ITGB5: variants seen among roughly 807,000 people sequenced by gnomAD.
ITGB5 encodes the protein integrin subunit beta 5, also known as integrin beta-5.
In ITGB5, 38 loss-of-function variants were observed where a neutral mutation model predicts 84.8. The ratio of observed to expected loss-of-function variants is 0.45; its 90% CI spans 0.35 to 0.59. The LOEUF (loss-of-function observed/expected upper bound fraction) is 0.59. ITGB5 is among the 20% of genes least tolerant of loss of function. The pLI is 0.01. For missense variants in ITGB5, 905 were observed against 1,034.5 expected (o/e 0.87, Z 1.72); for synonymous variants, 393 against 414.4 (o/e 0.95, Z 0.63).
Position 124,769,001 on chromosome 3 carries a change from C to T in ITGB5, c.2017+12G>A. ...AAAACCGTGACTGCCCGGGTGGTGG[C>T]AGCACACTCACCGATGGTGTCCACC... is the stretch of plus-strand genomic sequence containing the variant. On this transcript the variant is annotated intron_variant, in intron 12 of 14. Transcript: ENST00000296181. The T allele has an allele frequency of 5.0e-6, 8 of 1,600,254 alleles. No individual in the cohort carries two copies. Among genetic ancestry groups the T allele is most frequent in the South Asian group, 2.2e-5 (2 of 90,442 alleles).
chr3:124,859,673 T>C (rs1330757657), intron 2 of ITGB5, among the ~76,000 whole-genome samples: 1 of 152,210 alleles, frequency 6.6e-6, no homozygotes, highest in African/African-American at 2.4e-5. Context: ...TGTAAACACA[T>C]AATAAAAATG....
intron 9 of ITGB5, among the ~76,000 whole-genome samples, chr3:124,797,355 A>T (rs1443190182): frequency 6.6e-6 from 1 of 151,666 alleles, no homozygotes; most frequent in African/African-American, 2.4e-5. Context: ...GGCTCAGCTG[A>T]CTCCAGAGCT....
At chr3:124,826,496 T>C (rs1250210194) in intron 5 of ITGB5, among the ~76,000 whole-genome samples, 2 of 152,236 alleles carry the variant, frequency 1.3e-5, no homozygotes, top group East Asian at 3.8e-4. Flanking sequence ...ACTTCCATTA[T>C]TCCACTTAAT....
rs61760573 is a variant in ITGB5 at position 124,821,839 on chromosome 3, T to C, written c.781-365A>G. Among the ~76,000 whole-genome samples, 1,395 of 152,206 alleles carry C rather than the reference T, an allele frequency of 9.2e-3. 27 individuals carry two copies. Among genetic ancestry groups the C allele is most frequent in the African/African-American group, 0.031 (1,298 of 41,508 alleles). ...CCTTTTGGCCTCAGCTATTCTTCCT[T>C]CCCCAGAACAACTTTTAACCTTTCC... is the stretch of plus-strand genomic sequence containing the variant. On this transcript the variant is annotated intron_variant, in intron 5 of 14. Coordinates refer to ENST00000296181, the MANE Select transcript of ITGB5 (RefSeq NM_002213.5).
rs749884842 is a variant in ITGB5 at position 124,805,082 on chromosome 3, GTTTC to G, written c.1263+3936_1263+3939del. 1.0e-2 allele frequency among the ~76,000 whole-genome samples: 1,162 copies of G among 116,418 alleles called. 21 individuals carry two copies. Among genetic ancestry groups the G allele is most frequent in the African/African-American group, 0.035 (1,072 of 30,704 alleles). 76.4% of individuals were successfully genotyped at this position (116,418 alleles called of 152,430 possible). ...CTGCCCTGCCCTGCCCTTCCTTTCC[GTTTC>G]TTTCTTTCTCTCTCTCTCTCTCCTT... On this transcript the variant is annotated intron_variant, in intron 9 of 14. Transcript: ENST00000296181.
At chr3:124,833,036 C>T (rs1244310027) in intron 5 of ITGB5, 10 of 152,190 alleles carry the variant, frequency 6.6e-5, no homozygotes, top group African/African-American at 2.2e-4. Flanking sequence ...ACAATATACA[C>T]ATTCTTTTTA....
intron 1 of ITGB5, chr3:124,878,515 C>T (rs892839379): frequency 2.0e-5 from 3 of 152,190 alleles, no homozygotes; most frequent in Non-Finnish European, 4.4e-5. Flanking sequence ...GGGACACATT[C>T]AAATTCAAGA....
intron 5 of ITGB5, among the ~76,000 whole-genome samples, chr3:124,827,228 C>G (rs2064796433): frequency 6.6e-6 from 1 of 152,202 alleles, no homozygotes; most frequent in South Asian, 2.1e-4. Flanking sequence ...CTGTGGGCCC[C>G]TCAGTCAGTC....
At chr3:124,802,538 C>T (rs1309868893) in intron 9 of ITGB5, among the ~76,000 whole-genome samples, 4 of 152,240 alleles carry the variant, frequency 2.6e-5, no homozygotes, top group Non-Finnish European at 5.9e-5. Context: ...CGTGCCAGGG[C>T]CGGCTCCCTG....
At chr3:124,766,383 T>C in intron 12 of ITGB5, 38 bp from the exon 13 acceptor site, 1 of 1,610,620 alleles carries the variant, frequency 6.2e-7, no homozygotes, top group African/African-American at 1.3e-5. Context: ...TGAGTCTCTC[T>C]GAGCAGCCCA....
intron 1 of ITGB5, among the ~76,000 whole-genome samples, chr3:124,884,756 A>G (rs1934727063): frequency 1.3e-5 from 2 of 152,112 alleles, no homozygotes; most frequent in South Asian, 4.1e-4. Context: ...CAAATGAACC[A>G]CCATGCTCAG....
intron 1 of ITGB5, among the ~76,000 whole-genome samples, chr3:124,874,876 A>C (rs961651172): frequency 6.6e-6 from 1 of 152,246 alleles, no homozygotes; most frequent in African/African-American, 2.4e-5. Context: ...TAAAACCTTA[A>C]ATATAACACC....
rs761352996 is a variant in ITGB5, at chr3:124,764,544, G to C, written c.2151C>G (p.Thr717=). ...TVLREPECGN[T]PNAMTILLAV... ...CCAGGAGGATGGTCATGGCGTTGGG[G>C]GTGTTTCCACACTCTGGGGGGACCA... The change falls in exon 14 of 15, where the codon ACC becomes ACG. Residue 717 remains threonine, a synonymous_variant. Transcript: ENST00000296181. The C allele has an allele frequency of 6.2e-7, 1 of 1,612,000 alleles. No homozygotes were observed. Among genetic ancestry groups the C allele is most frequent in the South Asian group, 1.1e-5 (1 of 91,000 alleles).
At chr3:124,768,299 G>A (rs940854253) in intron 12 of ITGB5, among the ~76,000 whole-genome samples, 1 of 152,198 alleles carries the variant, frequency 6.6e-6, no homozygotes, top group Non-Finnish European at 1.5e-5. Context: ...CCATTTTAAA[G>A]TGTACAATCA....
chr3:124,898,966 T>C lies in ITGB5; in HGVS notation c.-255+2300A>G, dbSNP rs1286931934. Among the ~76,000 whole-genome samples, 6 of 151,792 alleles carry C rather than the reference T, an allele frequency of 4.0e-5. No homozygotes were observed. In the East Asian group the frequency reaches 1.2e-3, roughly 29 times the overall value. On this transcript the variant is annotated intron_variant, in intron 1 of 4. Coordinates refer to the ITGB5 transcript ENST00000608657. ...GGCAAATGCCTGTAATCCCAGCTAC[T>C]TGGGAGGCTGAGGCAGGAGAATCAC...
Position 124,821,315 on chromosome 3 carries a change from T to A in ITGB5, c.940A>T (p.Met314Leu). The A allele has an allele frequency of 6.2e-7, 1 of 1,612,560 alleles. No individual in the cohort carries two copies. The highest frequency in any genetic ancestry group is 8.5e-7 in the Non-Finnish European group (1 of 1,179,270). Residue 314 changes from methionine to leucine, a missense_variant and splice_region_variant, in exon 6 of 15, where the codon ATG (methionine) becomes TTG (leucine). This residue lies in a region of ITGB5 where 656 missense variants were observed against 734.7 expected (regional missense o/e 0.89). Transcript: ENST00000296181. ...GGGATCTGGTTCCCGGCACTCACCA[T>A]CTGGTTGGATGCAGTGTACTCGTTG... ...EANEYTASNQ[M>L]DYPSLALLGE...
chr3:124,891,751 C>T (rs985075917), upstream of ITGB5, among the ~76,000 whole-genome samples: 15 of 151,650 alleles, frequency 9.9e-5, no homozygotes, highest in African/African-American at 3.4e-4. Context: ...GGTGAAACCC[C>T]ATCTCTACAA....
rs146346757 is a variant in ITGB5 at position 124,881,363 on chromosome 3, G to T, written c.70+5568C>A. ...GGATCATCTGAGTACCAAGCATTGT[G>T]GCTGTGTCAGGGACACAGGTAAATA... On this transcript the variant is annotated intron_variant, in intron 1 of 14. Coordinates refer to ENST00000296181, the MANE Select transcript of ITGB5 (RefSeq NM_002213.5). Among the ~76,000 whole-genome samples, 8 of 152,216 alleles carry T rather than the reference G, an allele frequency of 5.3e-5. No homozygotes were observed. In the East Asian group the frequency reaches 1.5e-3, roughly 29 times the overall value.
intron 4 of ITGB5, among the ~76,000 whole-genome samples, chr3:124,845,975 C>T (rs2065071679): frequency 1.3e-5 from 2 of 152,188 alleles, no homozygotes; most frequent in African/African-American, 2.4e-5. Context: ...GTCCCTGTGG[C>T]CACCTGTCGC....
Sources: gnomAD v4.1 joint callset for allele counts (sites outside exome capture counted in the v4.1 genomes callset) on GRCh38, gnomAD v4.1.1 for gene constraint, gnomAD v4.1.1 regional missense constraint, MANE v1.5 for transcripts, NCBI Gene and HGNC (gene_info 2026-07-23, HGNC 2026-07-21) for gene names.